Variants in MCMDC2 observed in about 807,000 individuals in gnomAD.
MCMDC2 encodes the protein minichromosome maintenance domain-containing protein 2.
In MCMDC2, 54 loss-of-function variants were observed where a neutral mutation model predicts 75.8. The observed-to-expected ratio is 0.71, with a 90% CI of 0.57 to 0.89. The LOEUF is 0.89. Among genes scored for constraint, MCMDC2 ranks in the 40% least tolerant of loss-of-function variants. MCMDC2 has a pLI of 0.00. For missense variants in MCMDC2, 656 were observed against 780.4 expected, an observed-to-expected ratio of 0.84 and a Z score of 1.90; for synonymous variants, 249 against 274.6, an observed-to-expected ratio of 0.91 and a Z score of 0.92.
intron 1 of MCMDC2, among the ~76,000 whole-genome samples, chr8:66,871,757 A>C (rs866505157): frequency 2.6e-5 from 4 of 152,124 alleles, no homozygotes; most frequent in Non-Finnish European, 5.9e-5. Context: ...CAAAAAAATT[A>C]AAAATTATCT....
At chr8:66,900,630 A>C (rs1219723817) in intron 12 of MCMDC2, among the ~76,000 whole-genome samples, 1 of 152,152 alleles carries the variant, frequency 6.6e-6, no homozygotes, top group Non-Finnish European at 1.5e-5. Flanking sequence ...GAACTTTGGG[A>C]ACTAGGAATC....
At chr8:66,895,572 A>C (rs1189794023) in intron 10 of MCMDC2, among the ~76,000 whole-genome samples, 1 of 151,290 alleles carries the variant, frequency 6.6e-6, no homozygotes, top group Non-Finnish European at 1.5e-5. Context: ...ATGCTTGGCT[A>C]ATTTTTTGTA....
intron 9 of MCMDC2, among the ~76,000 whole-genome samples, chr8:66,885,151 G>A (rs997723904): frequency 6.6e-6 from 1 of 151,820 alleles, no homozygotes; most frequent in Non-Finnish European, 1.5e-5. Flanking sequence ...GGCTAACACC[G>A]TGAAACCCCG....
At chr8:66,879,489 A>G (rs966711871) in intron 7 of MCMDC2, among the ~76,000 whole-genome samples, 2 of 151,356 alleles carry the variant, frequency 1.3e-5, no homozygotes, top group African/African-American at 4.9e-5. Context: ...GCTACTCGGG[A>G]GGCTGAGGCA....
At chr8:66,924,290 A>G (rs1003759190), downstream of MCMDC2, among the ~76,000 whole-genome samples, 4 of 140,602 alleles carry the variant, frequency 2.8e-5, no homozygotes, top group African/African-American at 8.8e-5. Context: ...AAATTTGAAG[A>G]AAAAAAAAAA....
chr8:66,913,525 T>A (rs542608051), intron 14 of MCMDC2, among the ~76,000 whole-genome samples: 5 of 152,218 alleles, frequency 3.3e-5, no homozygotes, highest in Non-Finnish European at 7.3e-5. Context: ...TTGAACTAAA[T>A]ATTCGTGATC....
At chr8:66,910,765 T>C (rs936438208) in intron 14 of MCMDC2, among the ~76,000 whole-genome samples, 2 of 151,042 alleles carry the variant, frequency 1.3e-5, no homozygotes, top group African/African-American at 4.9e-5. Flanking sequence ...GATGAGATCA[T>C]GCCATTGCAC....
intron 14 of MCMDC2, among the ~76,000 whole-genome samples, chr8:66,908,553 A>G (rs1812991985): frequency 6.6e-6 from 1 of 152,182 alleles, no homozygotes; most frequent in Admixed American, 6.6e-5. Flanking sequence ...ATGTCTTTGA[A>G]TTGAAGAATT....
intron 1 of MCMDC2, among the ~76,000 whole-genome samples, 172 bp downstream of exon 1, chr8:66,871,003 G>C (rs890621644): frequency 6.6e-6 from 1 of 152,208 alleles, no homozygotes; most frequent in African/African-American, 2.4e-5. Flanking sequence ...ACGGAGAGAA[G>C]ACAGAATCCG....
At position 66,881,333 on chromosome 8, in the gene MCMDC2, T is replaced by C. The variant is rs184809101; in HGVS notation, c.835+359T>C. ...TTAGAGATTAGTCAAAGGATTTTTC[T>C]ATACCACTAGCCAAGGCAATTCTGG... On this transcript the variant is annotated intron_variant, in intron 8 of 14. Coordinates refer to ENST00000422365, the MANE Select transcript of MCMDC2 (RefSeq NM_173518.5). Among the ~76,000 whole-genome samples the C allele has an allele frequency of 2.1e-3, 327 of 152,380 alleles. 1 individual carries two copies. Among genetic ancestry groups the C allele is most frequent in the African/African-American group, 6.2e-3 (258 of 41,600 alleles).
intron 11 of MCMDC2, 97 bp downstream of exon 11, chr8:66,896,433 A>G (rs1456847151): frequency 5.2e-6 from 6 of 1,164,552 alleles, no homozygotes; most frequent in Non-Finnish European, 7.1e-6. Context: ...ACCTGTTTCT[A>G]TACTTTATTG....
intron 9 of MCMDC2, chr8:66,884,245 C>G: frequency 1.9e-6 from 1 of 526,886 alleles, no homozygotes; most frequent in Non-Finnish European, 3.3e-6. Flanking sequence ...CCCAGCCTTC[C>G]TTTCCCCCTA....
chr8:66,874,469 A>G lies in MCMDC2; in HGVS notation c.225+13A>G. On this transcript the variant is annotated intron_variant, in intron 3 of 14. Coordinates refer to ENST00000422365, the MANE Select transcript of MCMDC2 (RefSeq NM_173518.5). ...AGTCTTTCAATCAGTAAGTCAAAAAAAGAAATAATTTTATGCCACATGGAA... is the reference window on the plus strand; with the variant it reads ...AGTCTTTCAATCAGTAAGTCAAAAAGAGAAATAATTTTATGCCACATGGAA... 6.2e-7 allele frequency: 1 copy of G among 1,611,750 alleles called. No homozygotes were observed. The highest frequency in any genetic ancestry group is 8.5e-7 in the Non-Finnish European group (1 of 1,179,492).
In MCMDC2 at chr8:66,874,542, G is replaced by T. The variant is rs146704201; in HGVS notation, c.241G>T (p.Val81Phe). ...GAAATCACAGGTCTGTTTTATTGCTGTTAAGACTCTCTCATTAATTGGACA... is the reference window on the plus strand; with the variant it reads ...GAAATCACAGGTCTGTTTTATTGCTTTTAAGACTCTCTCATTAATTGGACA... ...EVFQSVCFIA[V>F]KTLSLIGQLQ... The change falls in exon 4 of 15, where the codon GTT (valine) becomes TTT (phenylalanine). Residue 81 changes from valine to phenylalanine, a missense_variant. Val to Phe is a conservative substitution (Grantham distance 50, BLOSUM62 -1). Coordinates refer to ENST00000422365, the MANE Select transcript of MCMDC2 (RefSeq NM_173518.5). 2 of 1,613,092 alleles carry T rather than the reference G, an allele frequency of 1.2e-6. No homozygotes were observed. The highest frequency in any genetic ancestry group is 2.7e-5 in the African/African-American group (2 of 74,852).
chr8:66,874,627 TAC>T, intron 4 of MCMDC2, 41 bp downstream of exon 4: 1 of 1,515,686 alleles, frequency 6.6e-7, no homozygotes, highest in Middle Eastern at 2.0e-4. Flanking sequence ...GGTACAGATT[TAC>T]ATGATGACTT....
chr8:66,883,667 G>T, intron 8 of MCMDC2, 90 bp from the exon 9 acceptor site: 1 of 690,678 alleles, frequency 1.4e-6, no homozygotes, highest in Non-Finnish European at 2.5e-6. Context: ...ACTATAATTT[G>T]ATAACATTTT....
At chr8:66,871,740 G>A (rs568318334) in intron 1 of MCMDC2, among the ~76,000 whole-genome samples, 11 of 151,816 alleles carry the variant, frequency 7.2e-5, no homozygotes, top group Non-Finnish European at 1.5e-4. Context: ...GTAAAACTCC[G>A]TCTCTACAAA....
chr8:66,889,152 C>A (rs563263827), intron 9 of MCMDC2, among the ~76,000 whole-genome samples: 5 of 152,168 alleles, frequency 3.3e-5, no homozygotes, highest in Non-Finnish European at 7.3e-5. Flanking sequence ...TTTTGTATCA[C>A]CCCCTTTTGT....
downstream of MCMDC2, chr8:66,922,628 C>T (rs982519308): frequency 4.5e-6 from 2 of 441,038 alleles, no homozygotes; most frequent in African/African-American, 2.0e-5. Context: ...ATACATGCCG[C>T]GTGATCCTAG....
Sources: allele counts gnomAD v4.1 joint callset (sites outside exome capture counted in the v4.1 genomes callset), GRCh38; gene constraint gnomAD v4.1.1; transcripts MANE v1.5; gene names NCBI Gene and HGNC (gene_info 2026-07-23, HGNC 2026-07-21).